MAML2: variants seen among roughly 807,000 people sequenced by gnomAD.
MAML2 encodes mastermind-like protein 2.
A neutral mutation model predicts 96.1 loss-of-function variants in MAML2; 22 were observed. That is an observed-to-expected ratio of 0.23 (90% CI 0.16 to 0.33). MAML2 has a LOEUF of 0.33. MAML2 is among the 10% of genes least tolerant of loss of function. MAML2 has a pLI of 1.00. For missense variants in MAML2, 1,367 were observed against 1,392.4 expected (o/e 0.98, Z 0.29); for synonymous variants, 561 against 521.3 (o/e 1.08, Z -1.04).
Position 96,186,095 on chromosome 11 carries a change from A to T in MAML2, c.514-92578T>A, listed in dbSNP as rs529608564. ...CACAAATTCTCCCATTCTGATAGACAGCATAGTTTACTTTCTTACTTTAAT... is the reference window on the plus strand; with the variant it reads ...CACAAATTCTCCCATTCTGATAGACTGCATAGTTTACTTTCTTACTTTAAT... On this transcript the variant is annotated intron_variant, in intron 1 of 4. Transcript: ENST00000524717. Among the ~76,000 whole-genome samples the T allele has an allele frequency of 2.6e-5, 4 of 152,350 alleles. No individual in the cohort carries two copies. The South Asian group carries it at 8.3e-4, about 32-fold the overall frequency.
chr11:96,052,994 C>T (rs1859009973), intron 2 of MAML2, among the ~76,000 whole-genome samples: 1 of 152,222 alleles, frequency 6.6e-6, no homozygotes, highest in Non-Finnish European at 1.5e-5. Flanking sequence ...GCATAGCTTA[C>T]ATTTCACAGA....
chr11:96,281,469 G>T (rs941085824), intron 1 of MAML2, among the ~76,000 whole-genome samples: 2 of 152,138 alleles, frequency 1.3e-5, no homozygotes, highest in African/African-American at 4.8e-5. Context: ...GCCCACAGTG[G>T]TATCTGCCCA....
At chr11:96,031,164 T>G (rs1027419626) in intron 2 of MAML2, among the ~76,000 whole-genome samples, 2 of 152,232 alleles carry the variant, frequency 1.3e-5, no homozygotes, top group Admixed American at 1.3e-4. Context: ...GTAAAGTACC[T>G]GGCATGAATA....
At chr11:96,286,909 G>A (rs151026747) in intron 1 of MAML2, among the ~76,000 whole-genome samples, 6 of 152,252 alleles carry the variant, frequency 3.9e-5, no homozygotes, top group South Asian at 2.1e-4. Context: ...CATATCAGCC[G>A]GTGATCTCAA....
chr11:96,207,369 T>C (rs1861910384), intron 1 of MAML2, among the ~76,000 whole-genome samples: 1 of 152,188 alleles, frequency 6.6e-6, no homozygotes, highest in South Asian at 2.1e-4. Context: ...CCCAAATTAG[T>C]TGGTAAATTG....
chr11:96,120,183 TC>T (rs1232185829), intron 1 of MAML2, among the ~76,000 whole-genome samples: 2 of 152,124 alleles, frequency 1.3e-5, no homozygotes, highest in Non-Finnish European at 2.9e-5. Flanking sequence ...GGTCTCGATC[TC>T]CTGACCTTGT....
intron 1 of MAML2, among the ~76,000 whole-genome samples, chr11:96,103,863 C>A (rs1859976265): frequency 6.6e-6 from 1 of 152,198 alleles, no homozygotes; most frequent in Non-Finnish European, 1.5e-5. Flanking sequence ...TCCAGCTACA[C>A]TACTTTTTTG....
At chr11:96,173,244 A>G (rs1861328120) in intron 1 of MAML2, among the ~76,000 whole-genome samples, 2 of 152,234 alleles carry the variant, frequency 1.3e-5, no homozygotes, top group South Asian at 4.1e-4. Flanking sequence ...AAGAGCCTCA[A>G]ATGTAGAGTA....
chr11:96,132,720 A>G (rs7930909), intron 1 of MAML2, among the ~76,000 whole-genome samples: 94,854 of 152,028 alleles, frequency 0.62, 30,235 homozygotes, highest in East Asian at 0.99. Flanking sequence ...CTGATTCCAT[A>G]TCTAACAAGT....
chr11:96,188,458 T>G (rs1423238506), intron 1 of MAML2, among the ~76,000 whole-genome samples: 3 of 152,156 alleles, frequency 2.0e-5, no homozygotes, highest in Admixed American at 1.3e-4. Flanking sequence ...ATTAAGAACT[T>G]CTGATGAGAA....
At chr11:96,122,595 T>G (rs963552132) in intron 1 of MAML2, among the ~76,000 whole-genome samples, 7 of 152,012 alleles carry the variant, frequency 4.6e-5, no homozygotes, top group African/African-American at 1.7e-4. Flanking sequence ...AATTCAGTCA[T>G]AAGAAATTCT....
At chr11:96,260,127 G>A (rs946686838) in intron 1 of MAML2, among the ~76,000 whole-genome samples, 6 of 151,956 alleles carry the variant, frequency 3.9e-5, no homozygotes, top group Non-Finnish European at 4.4e-5. Flanking sequence ...TCCTAAAAAT[G>A]AAGGTTGGAC....
intron 2 of MAML2, among the ~76,000 whole-genome samples, chr11:95,996,993 G>A (rs1464088919): frequency 6.6e-6 from 1 of 152,122 alleles, no homozygotes; most frequent in African/African-American, 2.4e-5. Context: ...GTGTGTGATT[G>A]TGAAAGAATT....
chr11:96,034,452 A>C (rs1468456630), intron 2 of MAML2, among the ~76,000 whole-genome samples: 1 of 139,828 alleles, frequency 7.2e-6, no homozygotes, highest in Non-Finnish European at 1.5e-5. Context: ...AGAGAGAGAG[A>C]GAGAGTGTGT....
chr11:95,994,898 G>T (rs545178237), intron 2 of MAML2, among the ~76,000 whole-genome samples: 6 of 152,242 alleles, frequency 3.9e-5, no homozygotes, highest in African/African-American at 1.4e-4. Flanking sequence ...GTCCACCTTG[G>T]TTCATACCCC....
At chr11:96,216,825 A>C (rs1254875152) in intron 1 of MAML2, among the ~76,000 whole-genome samples, 1 of 152,206 alleles carries the variant, frequency 6.6e-6, no homozygotes, top group African/African-American at 2.4e-5. Flanking sequence ...AGGGGCATCC[A>C]ACTCTGGGTA....
intron 1 of MAML2, 33 bp from the exon 2 acceptor site, chr11:96,093,550 A>C (rs55755066): frequency 2.9e-6 from 4 of 1,369,354 alleles, no homozygotes; most frequent in East Asian, 4.6e-5. Flanking sequence ...AAGGAAAAAT[A>C]AGAAATATGA....
intron 1 of MAML2, among the ~76,000 whole-genome samples, chr11:96,145,502 A>G (rs1860801447): frequency 6.6e-6 from 1 of 152,240 alleles, no homozygotes. Context: ...GAAAAGATGA[A>G]GAGCACATGA....
At chr11:96,309,203 A>T (rs1476395126) in intron 1 of MAML2, among the ~76,000 whole-genome samples, 1 of 152,212 alleles carries the variant, frequency 6.6e-6, no homozygotes, top group African/African-American at 2.4e-5. Context: ...CTAGCATCAT[A>T]CTGGGATTTG....
Sources: allele counts gnomAD v4.1 joint callset (sites outside exome capture counted in the v4.1 genomes callset), GRCh38; gene constraint gnomAD v4.1.1; transcripts MANE v1.5; gene names NCBI Gene and HGNC (gene_info 2026-07-23, HGNC 2026-07-21).